The following SLC25A6 variants were observed in gnomAD, a reference collection of about 807,000 sequenced individuals.
The protein encoded by SLC25A6 is ADP/ATP translocase 3.
Under a neutral mutation model 25.7 loss-of-function variants are expected in SLC25A6, and 9 were observed. That is an observed-to-expected ratio of 0.35 (90% CI 0.21 to 0.61). The LOEUF is 0.61. Among genes scored for constraint, SLC25A6 ranks in the 20% least tolerant of loss-of-function variants. SLC25A6 has a pLI of 0.76. For missense variants in SLC25A6, 404 were observed against 440.5 expected (o/e 0.92, Z 0.74); for synonymous variants, 223 against 197.0 (o/e 1.13, Z -1.11).
intron 2 of SLC25A6, among the ~76,000 whole-genome samples, chrX:1,387,824 G>A (rs1415739103): frequency 2.0e-5 from 3 of 152,126 alleles, no homozygotes; most frequent in African/African-American, 4.8e-5. Flanking sequence ...CTTGAAAGAG[G>A]TAAGACTAAA....
At chrX:1,389,903 G>T (rs1409408396) in intron 1 of SLC25A6, among the ~76,000 whole-genome samples, 176 bp from the exon 2 acceptor site, 1 of 151,894 alleles carries the variant, frequency 6.6e-6, no homozygotes, top group Admixed American at 6.6e-5. Context: ...GACTATAGGC[G>T]CCCACCACCA....
At position 1,389,449 on chromosome X, in the gene SLC25A6, G is replaced by A. The variant is rs773200662; in HGVS notation, c.390C>T (p.Phe130=). Reference sequence around the variant, plus strand: ...TTCTGGCGAAATCCAGCGGGTACACGAAGCAGAGGGAGGTCGCGCCGGCCG... The same window carrying A: ...TTCTGGCGAAATCCAGCGGGTACACAAAGCAGAGGGAGGTCGCGCCGGCCG... The part of the protein sequence containing the change: ...GGAAGATSLC[F]VYPLDFARTR... Residue 130 remains phenylalanine (F), a synonymous_variant, in exon 2 of 4, where the codon TTC becomes TTT. Transcript: ENST00000381401. 1.8e-5 allele frequency: 29 copies of A among 1,613,802 alleles called. No individual in the cohort carries two copies. The highest frequency in any genetic ancestry group is 6.7e-5 in the East Asian group (3 of 44,898).
chrX:1,386,697 TG>T lies in SLC25A6; in HGVS notation c.801del (p.Lys268ArgfsTer30). The T allele has an allele frequency of 6.2e-7, 1 of 1,612,846 alleles. No homozygotes were observed. On this transcript the variant is annotated frameshift_variant, in exon 4 of 4. Transcript: ENST00000381401. LOFTEE classifies it high-confidence loss of function. ...CWRKIFRDEG[G>X]KAFFKGAWSN... Reference sequence around the variant, plus strand: ...GACCACGCACCCTTGAAGAAGGCCTTGCCCCCCTCATCTCTGAAGATCTTCC... The same window carrying T: ...GACCACGCACCCTTGAAGAAGGCCTTCCCCCCTCATCTCTGAAGATCTTCC...
At chrX:1,388,368 G>C (rs1229287420) in intron 2 of SLC25A6, among the ~76,000 whole-genome samples, 1 of 149,682 alleles carries the variant, frequency 6.7e-6, no homozygotes, top group Non-Finnish European at 1.5e-5. Context: ...CGAGGACACA[G>C]ACACACACAG....
intron 2 of SLC25A6, among the ~76,000 whole-genome samples, chrX:1,388,489 G>A (rs1358776120): frequency 6.6e-6 from 1 of 151,800 alleles, no homozygotes; most frequent in South Asian, 2.1e-4. Flanking sequence ...CAGCCTCCAG[G>A]ACTGTGGGAG....
rs1332198253 is a variant in SLC25A6, at chrX:1,386,640, C to T, written c.859G>A (p.Val287Met). The change falls in exon 4 of 4, where the codon GTG becomes ATG. Residue 287 changes from valine (V) to methionine (M), a missense_variant. Coordinates refer to ENST00000381401, the MANE Select transcript of SLC25A6 (RefSeq NM_001636.4). ...TTGAGCTCGTCGTACAGGACCAGCACGAAGGCGCCCCCCATGCCCCGCAGG... is the reference window on the plus strand; with the variant it reads ...TTGAGCTCGTCGTACAGGACCAGCATGAAGGCGCCCCCCATGCCCCGCAGG... ...NVLRGMGGAF[V>M]LVLYDELKKV... 29 of 1,598,018 alleles carry T rather than the reference C, an allele frequency of 1.8e-5. No individual in the cohort carries two copies. Among genetic ancestry groups the T allele is most frequent in the East Asian group, 6.9e-5 (3 of 43,458 alleles).
rs151049257 is a variant in SLC25A6, at chrX:1,388,047, G to A, written c.599-628C>T. Among the ~76,000 whole-genome samples, 396 of 151,072 alleles carry A rather than the reference G, an allele frequency of 2.6e-3. 4 individuals are homozygous for A. The highest frequency in any genetic ancestry group is 9.3e-3 in the African/African-American group (381 of 41,042). ...GACTCCGGGAGAATCAATGTCTGCTGTTTATAAGCCACCCAGTCTATAGTA... is the reference window on the plus strand; with the variant it reads ...GACTCCGGGAGAATCAATGTCTGCTATTTATAAGCCACCCAGTCTATAGTA... On this transcript the variant is annotated intron_variant, in intron 2 of 3. Transcript: ENST00000381401.
Position 1,386,232 on chromosome X carries a change from CAG to C in SLC25A6, c.*368_*369del, listed in dbSNP as rs755984602. On this transcript the variant is annotated 3_prime_UTR_variant, in exon 4 of 4. Coordinates refer to ENST00000381401, the MANE Select transcript of SLC25A6 (RefSeq NM_001636.4). ...CTCGCCAGTACTCGGCTGTGCAAAA[CAG>C]GGGCTAGCGCTGAAGTACAAATGGG... The C allele has an allele frequency of 2.4e-3, 514 of 212,710 alleles. 3 individuals carry two copies. Among genetic ancestry groups the C allele is most frequent in the Middle Eastern group, 0.016 (10 of 642 alleles). The allele number at this position is 212,710 out of a possible 1,614,324, so 13.2% of individuals were successfully genotyped here.
At chrX:1,390,650 C>G (rs2089391253) in intron 1 of SLC25A6, among the ~76,000 whole-genome samples, 1 of 150,634 alleles carries the variant, frequency 6.6e-6, no homozygotes, top group Admixed American at 6.6e-5. Flanking sequence ...AAACGATCCT[C>G]CCTGGGCCTC....
intron 1 of SLC25A6, 132 bp from the exon 2 acceptor site, chrX:1,389,859 GTGATTCTCCTGTCTCAGCC>G (rs2089378748): frequency 1.4e-6 from 2 of 1,455,900 alleles, no homozygotes; most frequent in Non-Finnish European, 9.2e-7. Flanking sequence ...GGGTGATCAA[GTGATTCTCCTGTCTCAGCC>G]TCCCGAGTAG....
At chrX:1,386,798 G>C in intron 3 of SLC25A6, 39 bp from the exon 4 acceptor site, 1 of 1,591,264 alleles carries the variant, frequency 6.3e-7, no homozygotes, top group Non-Finnish European at 8.6e-7. Context: ...TCGCCGCCAA[G>C]CTCTTCAAGA....
At chrX:1,390,677 C>A (rs2089391643) in intron 1 of SLC25A6, among the ~76,000 whole-genome samples, 1 of 150,336 alleles carries the variant, frequency 6.7e-6, no homozygotes, top group African/African-American at 2.5e-5. Flanking sequence ...TGCTGGGACA[C>A]CCCGCCCTGC....
intron 3 of SLC25A6, among the ~76,000 whole-genome samples, chrX:1,386,991 C>G (rs141150712): frequency 0.01 from 1,542 of 152,170 alleles, 34 homozygotes; most frequent in African/African-American, 0.036. Flanking sequence ...TCCCCCATCT[C>G]CACCCCGGGG....
rs1282095617 is a variant in SLC25A6, at chrX:1,387,361, G to T, written c.657C>A (p.Thr219=). The change falls in exon 3 of 4, where the codon ACC becomes ACA. Residue 219 remains threonine (T), a synonymous_variant. Coordinates refer to ENST00000381401, the MANE Select transcript of SLC25A6 (RefSeq NM_001636.4). ...ACACCACGCCGGCCACGGCCGTCAC[G>T]GTCTGCGCGATCATCCAGCTCACCA... ...HIVVSWMIAQ[T]VTAVAGVVSY... is the part of the protein sequence containing the mutation. 2.5e-6 allele frequency: 4 copies of T among 1,613,352 alleles called. No homozygotes were observed. In the Admixed American group the frequency reaches 5.0e-5, roughly 20 times the overall value.
rs2089422492 is a variant in SLC25A6 at position 1,392,076 on chromosome X, G to A, written c.-67C>T. On this transcript the variant is annotated 5_prime_UTR_variant, in exon 1 of 4. The change creates a new upstream start codon in the 5' untranslated region. Coordinates refer to ENST00000381401, the MANE Select transcript of SLC25A6 (RefSeq NM_001636.4). ...CGGGCGCGGAGAGTGAATGGAGGGCGTCGCTGGCTCAGCCCTGCCGCCGCC... is the reference window on the plus strand; with the variant it reads ...CGGGCGCGGAGAGTGAATGGAGGGCATCGCTGGCTCAGCCCTGCCGCCGCC... 1.6e-6 allele frequency: 2 copies of A among 1,228,930 alleles called. No individual in the cohort carries two copies. The highest frequency in any genetic ancestry group is 2.6e-5 in the East Asian group (1 of 38,962). The allele number at this position is 1,228,930 out of a possible 1,614,324, so 76.1% of individuals were successfully genotyped here.
chrX:1,386,840 TCA>T, intron 3 of SLC25A6, 81 bp from the exon 4 acceptor site: 1 of 1,492,686 alleles, frequency 6.7e-7, no homozygotes, highest in Non-Finnish European at 9.1e-7. Flanking sequence ...CAAAGACGTT[TCA>T]CAGAAATAAC....
Position 1,386,743 on chromosome X carries a change from C to T in SLC25A6, c.756G>A (p.Thr252=), listed in dbSNP as rs773817849. ...TCTTCCTCCAACAGTCGACGGTGCC[C>T]GTGTACATGATGTCAGCTGCAACGA... ...SGRKGADIMY[T]GTVDCWRKIF... The change falls in exon 4 of 4, where the codon ACG becomes ACA. Residue 252 remains threonine, a synonymous_variant. Coordinates refer to ENST00000381401, the MANE Select transcript of SLC25A6 (RefSeq NM_001636.4). 9.3e-6 allele frequency: 15 copies of T among 1,607,156 alleles called. No homozygotes were observed. Among genetic ancestry groups the T allele is most frequent in the Middle Eastern group, 1.7e-4 (1 of 6,024 alleles).
Position 1,386,568 on chromosome X carries a change from G to GGT in SLC25A6, c.*32_*33dup, listed in dbSNP as rs113634215. The stretch of plus-strand genomic sequence containing the variant: ...TCTACGTGGTTCTCTTGGTTCCCCT[G>GGT]GTGTGTGTGTGTGTGTGGAGGAGGC... On this transcript the variant is annotated 3_prime_UTR_variant, in exon 4 of 4. Transcript: ENST00000381401. The GGT allele has an allele frequency of 4.4e-3, 5,713 of 1,294,368 alleles. 43 individuals carry two copies. Among genetic ancestry groups the GGT allele is most frequent in the African/African-American group, 0.038 (2,490 of 65,958 alleles). The allele number at this position is 1,294,368 out of a possible 1,614,324, so 80.2% of individuals were successfully genotyped here.
At chrX:1,389,974 T>C (rs1475822494) in intron 1 of SLC25A6, among the ~76,000 whole-genome samples, 1 of 152,044 alleles carries the variant, frequency 6.6e-6, no homozygotes, top group African/African-American at 2.4e-5. Context: ...TTAGTCAGGA[T>C]GGTCTCGATC....
Sources: allele counts gnomAD v4.1 joint callset (sites outside exome capture counted in the v4.1 genomes callset), GRCh38; gene constraint gnomAD v4.1.1; transcripts MANE v1.5; gene names NCBI Gene and HGNC (gene_info 2026-07-23, HGNC 2026-07-21).